CDH13: variants seen among roughly 807,000 people sequenced by gnomAD.
CDH13 encodes the protein cadherin 13.
CDH13 carries 24 observed loss-of-function variants against 63.8 expected under a neutral mutation model. That is an observed-to-expected ratio of 0.38 (90% confidence interval 0.27 to 0.53). The LOEUF is 0.53. Among genes scored for constraint, CDH13 ranks in the 20% least tolerant of loss-of-function variants. The pLI, the probability that CDH13 is intolerant of heterozygous loss-of-function variation, is 0.85. For missense variants in CDH13, 1,049 were observed against 903.1 expected (o/e 1.16, Z -2.07); for synonymous variants, 503 against 355.3 (o/e 1.42, Z -4.67).
chr16:83,435,413 C>G (rs1201991130), intron 6 of CDH13, among the ~76,000 whole-genome samples: 1 of 152,052 alleles, frequency 6.6e-6, no homozygotes, highest in Non-Finnish European at 1.5e-5. Flanking sequence ...TCGTGTCATC[C>G]CCTTCAAAGC....
chr16:82,698,458 C>T (rs933348653), intron 1 of CDH13, among the ~76,000 whole-genome samples: 3 of 152,226 alleles, frequency 2.0e-5, no homozygotes, highest in Admixed American at 6.5e-5. Context: ...GTGCTCACTG[C>T]CCATGCATAT....
intron 1 of CDH13, among the ~76,000 whole-genome samples, chr16:82,768,746 G>C (rs1228471851): frequency 6.6e-6 from 1 of 152,182 alleles, no homozygotes; most frequent in Non-Finnish European, 1.5e-5. Context: ...AGCAGCCACT[G>C]AACATCAGGC....
intron 10 of CDH13, among the ~76,000 whole-genome samples, chr16:83,706,211 G>C (rs1027191992): frequency 6.6e-6 from 1 of 152,162 alleles, no homozygotes; most frequent in African/African-American, 2.4e-5. Flanking sequence ...CACGAGGCCT[G>C]GGCTCTCTCA....
chr16:82,817,124 C>T (rs935812446), intron 1 of CDH13, among the ~76,000 whole-genome samples: 1 of 152,122 alleles, frequency 6.6e-6, no homozygotes, highest in African/African-American at 2.4e-5. Flanking sequence ...AAGTCCCATT[C>T]TGTACTTTGT....
intron 8 of CDH13, among the ~76,000 whole-genome samples, chr16:83,632,876 G>T (rs1181954645): frequency 6.6e-6 from 1 of 151,396 alleles, no homozygotes; most frequent in African/African-American, 2.4e-5. Context: ...GATTATTCTT[G>T]GGTTTTCCGG....
intron 10 of CDH13, among the ~76,000 whole-genome samples, chr16:83,702,898 C>T (rs1249185580): frequency 6.6e-6 from 1 of 152,192 alleles, no homozygotes; most frequent in Non-Finnish European, 1.5e-5. Flanking sequence ...ATAAAAATAG[C>T]TCGTTACCAC....
rs530168780 is a variant in CDH13 at position 82,733,166 on chromosome 16, A to C, written c.45+106029A>C. The stretch of plus-strand genomic sequence containing the variant: ...CCCTCAACAATGTTTGCATCTCAAC[A>C]ATGTGTCCTCACATTGGCTGGCTTT... On this transcript the variant is annotated intron_variant, in intron 1 of 13. Transcript: ENST00000567109. 6.6e-5 allele frequency among the ~76,000 whole-genome samples: 10 copies of C among 152,314 alleles called. No individual in the cohort carries two copies. In the South Asian group the frequency reaches 1.9e-3, roughly 28 times the overall value.
chr16:83,786,932 G>T (rs9319448), intron 13 of CDH13, among the ~76,000 whole-genome samples: 20,098 of 152,110 alleles, frequency 0.13, 2,270 homozygotes, highest in African/African-American at 0.31. Context: ...ACAGGCAAAG[G>T]TAAAATTGCC....
intron 2 of CDH13, among the ~76,000 whole-genome samples, chr16:83,022,137 A>C (rs977974854): frequency 6.6e-6 from 1 of 152,198 alleles, no homozygotes; most frequent in Non-Finnish European, 1.5e-5. Context: ...GGGATATGAA[A>C]AGCAATTAAG....
intron 7 of CDH13, among the ~76,000 whole-genome samples, chr16:83,583,557 CTCA>C (rs1425646536): frequency 6.6e-6 from 1 of 152,170 alleles, no homozygotes; most frequent in Non-Finnish European, 1.5e-5. Flanking sequence ...CCATTTTATC[CTCA>C]TAATAGTGAT....
chr16:83,036,488 C>T (rs1007645152), intron 3 of CDH13, among the ~76,000 whole-genome samples: 1 of 152,070 alleles, frequency 6.6e-6, no homozygotes, highest in South Asian at 2.1e-4. Flanking sequence ...TATTGGCTCA[C>T]CATCTGGAAC....
intron 13 of CDH13, among the ~76,000 whole-genome samples, chr16:83,790,611 G>C (rs914012371): frequency 6.6e-6 from 1 of 152,112 alleles, no homozygotes; most frequent in South Asian, 2.1e-4. Context: ...CACCGTGTTA[G>C]CCTGGATGGT....
intron 3 of CDH13, among the ~76,000 whole-genome samples, chr16:83,049,586 C>T (rs541591637): frequency 6.6e-5 from 10 of 152,188 alleles, no homozygotes; most frequent in South Asian, 2.1e-4. Flanking sequence ...CCGCCTGCCT[C>T]AGCCTCCCAG....
rs551356050 is a variant in CDH13, at chr16:83,166,989, C to G, written c.483+41488C>G. 9.2e-5 allele frequency among the ~76,000 whole-genome samples: 14 copies of G among 152,166 alleles called. 1 individual carries two copies. The East Asian group carries it at 2.7e-3, about 29-fold the overall frequency. On this transcript the variant is annotated intron_variant, in intron 4 of 13. Coordinates refer to ENST00000567109, the MANE Select transcript of CDH13 (RefSeq NM_001257.5). ...AGTTGGATTTTATATGTGAAAATGCCTCTATTTGCTGCATTTTTACTTTTT... is the reference window on the plus strand; with the variant it reads ...AGTTGGATTTTATATGTGAAAATGCGTCTATTTGCTGCATTTTTACTTTTT...
chr16:82,726,316 A>C (rs562895463), intron 1 of CDH13, among the ~76,000 whole-genome samples: 1 of 152,316 alleles, frequency 6.6e-6, no homozygotes, highest in East Asian at 1.9e-4. Flanking sequence ...AATTCAGCCA[A>C]TATAGTATAA....
At chr16:83,560,875 A>G (rs979857031) in intron 7 of CDH13, among the ~76,000 whole-genome samples, 3 of 150,428 alleles carry the variant, frequency 2.0e-5, no homozygotes, top group Non-Finnish European at 4.4e-5. Context: ...GTGCTGTGGC[A>G]AGGACAAGTG....
intron 6 of CDH13, among the ~76,000 whole-genome samples, chr16:83,365,417 A>G (rs532202717): frequency 1.3e-5 from 2 of 152,290 alleles, no homozygotes; most frequent in Non-Finnish European, 2.9e-5. Flanking sequence ...TCTTCCAGAC[A>G]TGCCCTTACA....
At chr16:83,152,787 G>A (rs1017693194) in intron 4 of CDH13, among the ~76,000 whole-genome samples, 1 of 152,158 alleles carries the variant, frequency 6.6e-6, no homozygotes, top group African/African-American at 2.4e-5. Context: ...CTTGGAAATA[G>A]GGTTGTGGCA....
At position 82,707,618 on chromosome 16, in the gene CDH13, C is replaced by G. The variant is rs189472953; in HGVS notation, c.45+80481C>G. Among the ~76,000 whole-genome samples the G allele has an allele frequency of 3.9e-5, 6 of 152,294 alleles. No individual in the cohort carries two copies. The East Asian group carries it at 1.2e-3, about 29-fold the overall frequency. Reference sequence around the variant, plus strand: ...CAGGGGTGCAGAGGGTGTGTGGATTCTGATGACAGATTGCCTGTCTGATTT... The same window carrying G: ...CAGGGGTGCAGAGGGTGTGTGGATTGTGATGACAGATTGCCTGTCTGATTT... On this transcript the variant is annotated intron_variant, in intron 1 of 13. Coordinates refer to ENST00000567109, the MANE Select transcript of CDH13 (RefSeq NM_001257.5).
Sources: gnomAD v4.1 joint callset for allele counts (sites outside exome capture counted in the v4.1 genomes callset) on GRCh38, gnomAD v4.1.1 for gene constraint, MANE v1.5 for transcripts, NCBI Gene and HGNC (gene_info 2026-07-23, HGNC 2026-07-21) for gene names.